Variants in CTNNA2 observed in about 807,000 individuals in gnomAD.
CTNNA2 encodes the protein catenin alpha-2.
In CTNNA2, 42 loss-of-function variants were observed where a neutral mutation model predicts 101.0. That is an observed-to-expected ratio of 0.42 (90% CI 0.32 to 0.54). The LOEUF is 0.54. Ranked by LOEUF, CTNNA2 falls within the 20% of genes least tolerant of loss-of-function variation. CTNNA2 has a pLI of 0.14. For synonymous variants in CTNNA2, 450 were observed against 456.4 expected, an observed-to-expected ratio of 0.99 and a Z score of 0.18; for missense variants, 871 against 1,223.1, an observed-to-expected ratio of 0.71 and a Z score of 4.29.
chr2:80,290,172 T>C (rs145295376), intron 7 of CTNNA2, among the ~76,000 whole-genome samples: 1 of 152,194 alleles, frequency 6.6e-6, no homozygotes, highest in Non-Finnish European at 1.5e-5. Context: ...AGAAAAGTGC[T>C]GATTTATCTA....
intron 3 of CTNNA2, among the ~76,000 whole-genome samples, chr2:79,835,666 G>GTTTTTTGTTTTTTTTTTTTTTTTT (rs1679276639): frequency 3.4e-5 from 2 of 58,618 alleles, no homozygotes; most frequent in Admixed American, 2.6e-4. Flanking sequence ...GCCTCTCTTT[G>GTTTTTTGTTTTTTTTTTTTTTTTT]TTTTTTTTTT....
At chr2:79,270,269 G>A (rs940464615) in intron 2 of CTNNA2, among the ~76,000 whole-genome samples, 1 of 152,084 alleles carries the variant, frequency 6.6e-6, no homozygotes, top group Non-Finnish European at 1.5e-5. Flanking sequence ...CCATGATTTA[G>A]TCAATGCCAA....
At chr2:80,053,784 A>G (rs1326426129) in intron 7 of CTNNA2, among the ~76,000 whole-genome samples, 1 of 152,260 alleles carries the variant, frequency 6.6e-6, no homozygotes, top group Non-Finnish European at 1.5e-5. Context: ...ACAGTGAGGT[A>G]GCATAGCACA....
intron 9 of CTNNA2, among the ~76,000 whole-genome samples, chr2:80,516,305 T>G (rs1689105089): frequency 6.6e-6 from 1 of 152,224 alleles, no homozygotes; most frequent in Non-Finnish European, 1.5e-5. Flanking sequence ...TGGTGTTTGT[T>G]ACCCATATGT....
At chr2:80,366,881 A>G (rs1674983538) in intron 7 of CTNNA2, among the ~76,000 whole-genome samples, 2 of 152,100 alleles carry the variant, frequency 1.3e-5, no homozygotes, top group African/African-American at 4.8e-5. Flanking sequence ...TTTTAGGGAG[A>G]CATGAGACAT....
At chr2:80,238,689 T>A (rs1167892230) in intron 7 of CTNNA2, among the ~76,000 whole-genome samples, 1 of 152,170 alleles carries the variant, frequency 6.6e-6, no homozygotes, top group Non-Finnish European at 1.5e-5. Context: ...GCGTAAAAGT[T>A]AAAGAGCACT....
intron 10 of CTNNA2, 131 bp from the exon 11 acceptor site, chr2:80,545,776 C>A: frequency 2.7e-6 from 2 of 741,794 alleles, no homozygotes; most frequent in Non-Finnish European, 4.2e-6. Flanking sequence ...GTTTGATTGT[C>A]CTTCTGAACA....
chr2:79,618,333 C>T (rs531429154), intron 1 of CTNNA2, among the ~76,000 whole-genome samples: 2 of 152,180 alleles, frequency 1.3e-5, no homozygotes, highest in African/African-American at 4.8e-5. Context: ...CCTTTTTCAT[C>T]CTGTTTCTTT....
rs1573475490 is a variant in CTNNA2 at position 80,619,489 on chromosome 2, C to G, written c.2574+261C>G. 2.6e-5 allele frequency among the ~76,000 whole-genome samples: 4 copies of G among 152,004 alleles called. No homozygotes were observed. The South Asian group carries it at 8.3e-4, about 32-fold the overall frequency. The stretch of plus-strand genomic sequence containing the variant: ...TTCTCAGTCTTTCTTCCCATTGGGA[C>G]TGAAAGTCATGGCATATGTGGAATG... On this transcript the variant is annotated intron_variant, in intron 18 of 18. Transcript: ENST00000402739.
intron 7 of CTNNA2, among the ~76,000 whole-genome samples, chr2:79,959,550 T>C (rs1689490020): frequency 6.6e-6 from 1 of 152,164 alleles, no homozygotes; most frequent in African/African-American, 2.4e-5. Flanking sequence ...AATGCAGGAT[T>C]CCTGGAAGGC....
intron 7 of CTNNA2, among the ~76,000 whole-genome samples, chr2:80,335,605 A>C (rs189001028): frequency 6.6e-6 from 1 of 152,152 alleles, no homozygotes; most frequent in African/African-American, 2.4e-5. Context: ...ATTCCTGCCT[A>C]CTGTATTTCT....
At chr2:79,571,464 T>G (rs1343127896) in intron 1 of CTNNA2, among the ~76,000 whole-genome samples, 1 of 152,216 alleles carries the variant, frequency 6.6e-6, no homozygotes, top group African/African-American at 2.4e-5. Flanking sequence ...CAAATCTTGC[T>G]TCCTGCTATT....
chr2:79,936,217 TG>T (rs1202981171), intron 7 of CTNNA2, among the ~76,000 whole-genome samples: 2 of 144,236 alleles, frequency 1.4e-5, no homozygotes, highest in African/African-American at 2.6e-5. Flanking sequence ...TTTCTGAGTT[TG>T]TTTTTTTTTA....
rs980216305 is a variant in CTNNA2, at chr2:79,406,029, T to A, written c.-135+32016T>A. On this transcript the variant is annotated intron_variant, in intron 4 of 21. Coordinates refer to the CTNNA2 transcript ENST00000466387. ...CTTTATAAAAGAAGATCAAGAACGA[T>A]GTCACAGAATTGAAGGAGAAAAGAG... is the stretch of plus-strand genomic sequence containing the variant. Among the ~76,000 whole-genome samples the A allele has an allele frequency of 8.5e-5, 13 of 152,104 alleles. No homozygotes were observed. In the South Asian group the frequency reaches 2.7e-3, roughly 32 times the overall value.
intron 7 of CTNNA2, among the ~76,000 whole-genome samples, chr2:80,365,876 GAA>G (rs1315859733): frequency 6.6e-6 from 1 of 152,190 alleles, no homozygotes; most frequent in Non-Finnish European, 1.5e-5. Flanking sequence ...AATCAGAGGA[GAA>G]GAGTGCATTT....
chr2:79,740,262 A>G (rs1482952601), intron 2 of CTNNA2, among the ~76,000 whole-genome samples: 1 of 152,152 alleles, frequency 6.6e-6, no homozygotes, highest in East Asian at 1.9e-4. Flanking sequence ...GAGAACATGC[A>G]GTATTCGATT....
intron 7 of CTNNA2, among the ~76,000 whole-genome samples, chr2:80,386,966 A>AC (rs892130794): frequency 2.9e-4 from 44 of 151,970 alleles, no homozygotes; most frequent in Middle Eastern, 3.4e-3. Context: ...TCCATGAGAG[A>AC]CCCCCCAGAA....
intron 2 of CTNNA2, among the ~76,000 whole-genome samples, chr2:79,249,358 G>C (rs1224238212): frequency 1.4e-5 from 2 of 139,356 alleles, no homozygotes; most frequent in Admixed American, 1.5e-4. Context: ...TGTCCCTTGA[G>C]CTGGGCTTAG....
chr2:80,110,800 C>T (rs1701170591), intron 7 of CTNNA2, among the ~76,000 whole-genome samples: 3 of 152,172 alleles, frequency 2.0e-5, no homozygotes, highest in African/African-American at 7.2e-5. Context: ...ACTGAAACAT[C>T]TTAGAAACTC....
Sources: allele counts gnomAD v4.1 joint callset (sites outside exome capture counted in the v4.1 genomes callset), GRCh38; gene constraint gnomAD v4.1.1; transcripts MANE v1.5; gene names NCBI Gene and HGNC (gene_info 2026-07-23, HGNC 2026-07-21).